The following KYNU variants were observed in gnomAD, a reference collection of about 807,000 sequenced individuals.
KYNU encodes L-kynurenine hydrolase.
KYNU carries 54 observed loss-of-function variants against 59.2 expected under a neutral mutation model. The observed-to-expected ratio is 0.91, with a 90% CI of 0.73 to 1.14. The LOEUF is 1.14. Ranked by LOEUF, KYNU falls within the 50% of genes most tolerant of loss-of-function variation. The pLI, the probability that KYNU is intolerant of heterozygous loss-of-function variation, is 0.00. For synonymous variants in KYNU, 177 were observed against 192.0 expected, an observed-to-expected ratio of 0.92 and a Z score of 0.65; for missense variants, 567 against 554.4, an observed-to-expected ratio of 1.02 and a Z score of -0.23.
intron 10 of KYNU, among the ~76,000 whole-genome samples, chr2:143,001,299 T>A (rs550447045): frequency 1.2e-4 from 19 of 152,314 alleles, no homozygotes; most frequent in South Asian, 4.1e-4. Flanking sequence ...TTTAAACTAT[T>A]GGACAGGGAT....
At chr2:142,917,262 T>C (rs1046163077) in intron 2 of KYNU, among the ~76,000 whole-genome samples, 1 of 152,104 alleles carries the variant, frequency 6.6e-6, no homozygotes, top group African/African-American at 2.4e-5. Flanking sequence ...CCACACGACA[T>C]TGAGTTGTGC....
intron 2 of KYNU, among the ~76,000 whole-genome samples, chr2:142,903,056 C>A (rs1044828979): frequency 6.6e-6 from 1 of 152,164 alleles, no homozygotes; most frequent in Non-Finnish European, 1.5e-5. Flanking sequence ...AGCAGCCTCA[C>A]TGATAATCCT....
At position 142,954,801 on chromosome 2, in the gene KYNU, AT is replaced by A; in HGVS notation, c.374-5del. 1 of 1,574,562 alleles carries A rather than the reference AT, an allele frequency of 6.4e-7. No individual in the cohort carries two copies. Among genetic ancestry groups the A allele is most frequent in the Non-Finnish European group, 8.7e-7 (1 of 1,144,374 alleles). On this transcript the variant is annotated splice_region_variant and splice_polypyrimidine_tract_variant and intron_variant, in intron 4 of 13. Transcript: ENST00000264170. ...CAAACATCTAAATTACGATATGTTT[AT>A]TTTACAGGAGCCAATGAGAAAGAAA...
chr2:143,022,836 C>T (rs168475), intron 10 of KYNU, among the ~76,000 whole-genome samples: 53,937 of 151,528 alleles, frequency 0.36, 10,562 homozygotes, highest in East Asian at 0.52. Context: ...TGTGAATATC[C>T]TTCTGCATAT....
At chr2:143,000,798 A>C (rs931325169) in intron 10 of KYNU, among the ~76,000 whole-genome samples, 4 of 152,168 alleles carry the variant, frequency 2.6e-5, no homozygotes, top group Admixed American at 2.6e-4. Flanking sequence ...TTCTTGGAGC[A>C]GTGCTATGTG....
chr2:142,975,793 A>T (rs1420431517), intron 8 of KYNU, among the ~76,000 whole-genome samples: 1 of 152,216 alleles, frequency 6.6e-6, no homozygotes, highest in Non-Finnish European at 1.5e-5. Context: ...TGTTTAGCTT[A>T]TCCTTGGATC....
Position 143,050,561 on chromosome 2 carries a change from G to A in KYNU, c.*8389G>A, listed in dbSNP as rs1687248003. The A allele has an allele frequency of 6.6e-6, 1 of 152,082 alleles. No individual in the cohort carries two copies. The highest frequency in any genetic ancestry group is 1.5e-5 in the Non-Finnish European group (1 of 68,040). The allele number at this position is 152,082 out of a possible 1,614,324, so 9.4% of individuals were successfully genotyped here. ...TCCAGTCATGCAAATTTATATGAAT[G>A]TCAATTCTTTTATAGTGATCTTCTG... On this transcript the variant is annotated 3_prime_UTR_variant, in exon 14 of 14. Transcript: ENST00000264170.
chr2:142,968,105 A>G (rs1317735306), intron 8 of KYNU, among the ~76,000 whole-genome samples: 1 of 152,200 alleles, frequency 6.6e-6, no homozygotes, highest in African/African-American at 2.4e-5. Context: ...GTATAAGAAG[A>G]ATCCTGTCGC....
At chr2:142,916,312 G>A (rs114267728) in intron 2 of KYNU, among the ~76,000 whole-genome samples, 1 of 152,102 alleles carries the variant, frequency 6.6e-6, no homozygotes, top group South Asian at 2.1e-4. Context: ...GTGACCCTAA[G>A]ACAAGGCTCA....
At chr2:143,006,507 T>G in intron 10 of KYNU, among the ~76,000 whole-genome samples, 1 of 57,600 alleles carries the variant, frequency 1.7e-5, no homozygotes, top group Non-Finnish European at 3.2e-5. Flanking sequence ...CCAGGCTTGA[T>G]TAGGTAAACA....
chr2:143,010,909 A>G (rs897310286), intron 10 of KYNU, among the ~76,000 whole-genome samples: 19 of 145,618 alleles, frequency 1.3e-4, no homozygotes, highest in Non-Finnish European at 3.0e-5. Flanking sequence ...ACAAAAATCA[A>G]TTCAAGATGG....
chr2:143,036,134 T>G (rs1485042207), intron 12 of KYNU, among the ~76,000 whole-genome samples: 1 of 151,982 alleles, frequency 6.6e-6, no homozygotes, highest in East Asian at 1.9e-4. Context: ...CCTCAAGCGA[T>G]TCTCCTGCCT....
At chr2:142,965,757 G>A (rs1041754779) in intron 8 of KYNU, among the ~76,000 whole-genome samples, 1 of 152,078 alleles carries the variant, frequency 6.6e-6, no homozygotes, top group Non-Finnish European at 1.5e-5. Flanking sequence ...CACATCTATG[G>A]CCCTAAAGTA....
At chr2:142,962,625 T>C (rs1684388877) in intron 8 of KYNU, among the ~76,000 whole-genome samples, 1 of 152,166 alleles carries the variant, frequency 6.6e-6, no homozygotes, top group African/African-American at 2.4e-5. Flanking sequence ...TTAAAAAATA[T>C]AGTAAATGCC....
At chr2:142,983,951 C>T (rs1685124150) in intron 8 of KYNU, among the ~76,000 whole-genome samples, 1 of 151,946 alleles carries the variant, frequency 6.6e-6, no homozygotes, top group African/African-American at 2.4e-5. Context: ...AAAATAGGCA[C>T]TCATGAAGAT....
chr2:142,939,290 A>G (rs1312071185), intron 4 of KYNU, among the ~76,000 whole-genome samples: 1 of 152,180 alleles, frequency 6.6e-6, no homozygotes, highest in African/African-American at 2.4e-5. Flanking sequence ...GTAGATCAGA[A>G]TATCAACTTC....
chr2:142,952,875 G>T (rs1317244986), intron 4 of KYNU, among the ~76,000 whole-genome samples: 3 of 151,316 alleles, frequency 2.0e-5, no homozygotes, highest in African/African-American at 7.3e-5. Flanking sequence ...CACTAATTCT[G>T]TATTTTTCTT....
intron 4 of KYNU, among the ~76,000 whole-genome samples, chr2:142,950,000 A>G (rs934553081): frequency 6.6e-6 from 1 of 152,090 alleles, no homozygotes; most frequent in African/African-American, 2.4e-5. Context: ...CTCAAGTTCA[A>G]AGTTCCATAA....
At chr2:143,040,235 A>C (rs1687002336) in intron 12 of KYNU, among the ~76,000 whole-genome samples, 193 bp from the exon 13 acceptor site, 1 of 152,048 alleles carries the variant, frequency 6.6e-6, no homozygotes, top group Admixed American at 6.6e-5. Flanking sequence ...CTGTCATGGA[A>C]ATTTTACCTT....
Sources: gnomAD v4.1 joint callset for allele counts (sites outside exome capture counted in the v4.1 genomes callset) on GRCh38, gnomAD v4.1.1 for gene constraint, MANE v1.5 for transcripts, NCBI Gene and HGNC (gene_info 2026-07-23, HGNC 2026-07-21) for gene names.